SNX30: variants seen among roughly 807,000 people sequenced by gnomAD.
SNX30 encodes the protein sorting nexin family member 30.
Under a neutral mutation model 46.4 loss-of-function variants are expected in SNX30, and 24 were observed. That is an observed-to-expected ratio of 0.52 (90% CI 0.37 to 0.73). The LOEUF (loss-of-function observed/expected upper bound fraction) is 0.73. Ranked by LOEUF, SNX30 falls within the 30% of genes least tolerant of loss-of-function variation. The pLI is 0.00. For synonymous variants in SNX30, 189 were observed against 211.5 expected, an observed-to-expected ratio of 0.89 and a Z score of 0.92; for missense variants, 533 against 555.7, an observed-to-expected ratio of 0.96 and a Z score of 0.41.
intron 3 of SNX30, among the ~76,000 whole-genome samples, chr9:112,821,896 A>T (rs1840504654): frequency 6.6e-6 from 1 of 151,752 alleles, no homozygotes; most frequent in African/African-American, 2.4e-5. Context: ...GGATCAAGCG[A>T]TTCTCCCACC....
At chr9:112,837,202 A>G (rs967136942) in intron 5 of SNX30, among the ~76,000 whole-genome samples, 6 of 152,102 alleles carry the variant, frequency 3.9e-5, no homozygotes, top group East Asian at 1.9e-4. Flanking sequence ...CGGGGGAAAA[A>G]AATCAACATT....
At chr9:112,788,041 T>A in intron 1 of SNX30, among the ~76,000 whole-genome samples, 1 of 152,046 alleles carries the variant, frequency 6.6e-6, no homozygotes, top group Non-Finnish European at 1.5e-5. Context: ...CCTCAGGGGA[T>A]CCACCCAAGG....
intron 1 of SNX30, among the ~76,000 whole-genome samples, chr9:112,772,435 A>G (rs774950674): frequency 3.3e-5 from 5 of 152,176 alleles, no homozygotes; most frequent in Non-Finnish European, 5.9e-5. Context: ...CCTAGAAAGT[A>G]TCTCATATAG....
chr9:112,836,658 G>C (rs1423247979), intron 5 of SNX30, among the ~76,000 whole-genome samples: 1 of 152,202 alleles, frequency 6.6e-6, no homozygotes, highest in Non-Finnish European at 1.5e-5. Context: ...TGATTCGCCA[G>C]GTGTTTCCTC....
At chr9:112,757,112 T>G (rs940060957) in intron 1 of SNX30, among the ~76,000 whole-genome samples, 3 of 152,218 alleles carry the variant, frequency 2.0e-5, no homozygotes, top group African/African-American at 7.2e-5. Flanking sequence ...CCTCCATATC[T>G]GCTATTTTGT....
chr9:112,857,386 A>G (rs1841151187), intron 7 of SNX30, among the ~76,000 whole-genome samples: 1 of 152,168 alleles, frequency 6.6e-6, no homozygotes. Flanking sequence ...CACAGCTCAA[A>G]TAGACACTGA....
intron 7 of SNX30, among the ~76,000 whole-genome samples, chr9:112,855,197 C>T (rs1270160901): frequency 6.6e-6 from 1 of 152,100 alleles, no homozygotes; most frequent in African/African-American, 2.4e-5. Context: ...CTCACGAAGC[C>T]AGAGCTGCTG....
chr9:112,854,658 C>T (rs951928500), intron 7 of SNX30, among the ~76,000 whole-genome samples: 1 of 152,186 alleles, frequency 6.6e-6, no homozygotes, highest in African/African-American at 2.4e-5. Flanking sequence ...ACAGTGGCAG[C>T]AGCAGAAATC....
At chr9:112,759,194 C>T (rs1325389170) in intron 1 of SNX30, among the ~76,000 whole-genome samples, 1 of 152,112 alleles carries the variant, frequency 6.6e-6, no homozygotes, top group Non-Finnish European at 1.5e-5. Context: ...CTCCTCTTTA[C>T]AATACACTTT....
intron 7 of SNX30, 67 bp from the exon 8 acceptor site, chr9:112,864,180 A>C: frequency 6.6e-7 from 1 of 1,526,188 alleles, no homozygotes; most frequent in Non-Finnish European, 9.1e-7. Context: ...ATGTGTGCTC[A>C]GAGGAGCTCA....
intron 7 of SNX30, among the ~76,000 whole-genome samples, chr9:112,857,081 G>A (rs530723293): frequency 2.0e-5 from 3 of 152,318 alleles, no homozygotes; most frequent in African/African-American, 7.2e-5. Flanking sequence ...CCCTGAGGGG[G>A]CGCCCTGCCT....
chr9:112,809,708 T>C (rs1306802860), intron 2 of SNX30, among the ~76,000 whole-genome samples: 1 of 152,168 alleles, frequency 6.6e-6, no homozygotes. Flanking sequence ...CAGTTATTGC[T>C]GGTTGTGGTG....
At chr9:112,858,575 G>A (rs536222444) in intron 7 of SNX30, among the ~76,000 whole-genome samples, 128 of 152,306 alleles carry the variant, frequency 8.4e-4, no homozygotes, top group African/African-American at 2.9e-3. Context: ...TGAATTGATA[G>A]TTACAAAGAC....
At chr9:112,770,197 A>G (rs1242226350) in intron 1 of SNX30, among the ~76,000 whole-genome samples, 2 of 152,118 alleles carry the variant, frequency 1.3e-5, no homozygotes, top group African/African-American at 4.8e-5. Flanking sequence ...TTTGAGATGG[A>G]GTCTCACTCT....
chr9:112,868,696 C>G, intron 8 of SNX30, 88 bp from the exon 9 acceptor site: 1 of 1,408,206 alleles, frequency 7.1e-7, no homozygotes, highest in Non-Finnish European at 1.0e-6. Flanking sequence ...GCAGGATCGA[C>G]AACGAAAGGG....
chr9:112,869,096 A>G lies in SNX30; in HGVS notation c.*253A>G, dbSNP rs1234186305. The stretch of plus-strand genomic sequence containing the variant: ...CTCCATGTTGTGAAGGCATCTGTTC[A>G]GTGAAGCACTACGAAAATTTGAAAC... On this transcript the variant is annotated 3_prime_UTR_variant, in exon 9 of 9. Transcript: ENST00000374232. 1.1e-5 allele frequency: 5 copies of G among 459,120 alleles called. No individual in the cohort carries two copies. Among genetic ancestry groups the G allele is most frequent in the Non-Finnish European group, 1.6e-5 (4 of 251,908 alleles). The allele number at this position is 459,120 out of a possible 1,614,324, so 28.4% of individuals were successfully genotyped here.
chr9:112,797,057 C>G (rs920035545), intron 1 of SNX30, among the ~76,000 whole-genome samples: 6 of 152,212 alleles, frequency 3.9e-5, no homozygotes, highest in Admixed American at 2.6e-4. Flanking sequence ...TCTTTAGTCT[C>G]TGTTTCCCAG....
chr9:112,786,394 T>C (rs1178586218), intron 1 of SNX30, among the ~76,000 whole-genome samples: 1 of 152,084 alleles, frequency 6.6e-6, no homozygotes, highest in Non-Finnish European at 1.5e-5. Flanking sequence ...GTGCTGGGAT[T>C]ATGGGCCTGA....
intron 1 of SNX30, among the ~76,000 whole-genome samples, chr9:112,752,983 C>A (rs1308966055): frequency 6.6e-6 from 1 of 152,148 alleles, no homozygotes; most frequent in Non-Finnish European, 1.5e-5. Context: ...AGCAAGTGAT[C>A]CAAGAGAGCT....
Sources: allele counts gnomAD v4.1 joint callset (sites outside exome capture counted in the v4.1 genomes callset), GRCh38; gene constraint gnomAD v4.1.1; transcripts MANE v1.5; gene names NCBI Gene and HGNC (gene_info 2026-07-23, HGNC 2026-07-21).